The following EFCAB8 variants were observed in gnomAD, a reference collection of about 807,000 sequenced individuals.
EFCAB8 encodes the protein EF-hand calcium binding domain 8, also known as EF-hand calcium-binding domain-containing protein 8.
A neutral mutation model predicts 116.3 loss-of-function variants in EFCAB8; 100 were observed. The ratio of observed to expected loss-of-function variants is 0.86; its 90% CI spans 0.73 to 1.02. EFCAB8 has a LOEUF of 1.02. Ranked by LOEUF, EFCAB8 falls within the 50% of genes least tolerant of loss-of-function variation. The pLI is 0.00. For synonymous variants in EFCAB8, 558 were observed against 567.9 expected (o/e 0.98, Z 0.25); for missense variants, 1,320 against 1,416.9 (o/e 0.93, Z 1.10).
Position 32,906,861 on chromosome 20 carries a change from C to T in EFCAB8, c.1175C>T (p.Ala392Val). 1 of 1,517,832 alleles carries T rather than the reference C, an allele frequency of 6.6e-7. No individual in the cohort carries two copies. 94.0% of individuals were successfully genotyped at this position (1,517,832 alleles called of 1,614,324 possible). ...ACCACAGTGACTGGTGGCTACGATG[C>T]CTTCATCCGCCTGTGGAACCCCTTT... Reference protein sequence around the residue: ...RNFLVTGGYDAFIRLWNPFVS... With the variant: ...RNFLVTGGYDVFIRLWNPFVS... Residue 392 changes from alanine (A) to valine (V), a missense_variant, in exon 13 of 27, where the codon GCC (alanine) becomes GTC (valine). By Grantham distance (64) the Ala-to-Val change is moderately conservative. Coordinates refer to ENST00000400522, the MANE Select transcript of EFCAB8 (RefSeq NM_001143967.2).
At chr20:32,867,551 C>A in intron 2 of EFCAB8, 31 bp from the exon 3 acceptor site, 1 of 1,542,298 alleles carries the variant, frequency 6.5e-7, no homozygotes, top group South Asian at 1.2e-5. Context: ...TTGAAACGCT[C>A]AGTCCCTGGT....
intron 14 of EFCAB8, among the ~76,000 whole-genome samples, 171 bp from the exon 15 acceptor site, chr20:32,909,650 G>A (rs978299387): frequency 6.6e-6 from 1 of 152,138 alleles, no homozygotes; most frequent in African/African-American, 2.4e-5. Context: ...ATGGAGTAGG[G>A]TGGGGGTATC....
At chr20:32,869,646 C>T (rs1209499421) in intron 3 of EFCAB8, among the ~76,000 whole-genome samples, 1 of 152,198 alleles carries the variant, frequency 6.6e-6, no homozygotes, top group Non-Finnish European at 1.5e-5. Context: ...GGTCCCACCA[C>T]ACTCCAGGGG....
chr20:32,869,985 CCT>C (rs1235627537), intron 3 of EFCAB8, among the ~76,000 whole-genome samples: 2 of 152,106 alleles, frequency 1.3e-5, no homozygotes, highest in African/African-American at 2.4e-5. Flanking sequence ...GATTTTTCCC[CCT>C]GAGATAATAC....
In EFCAB8 at chr20:32,904,178, A is replaced by T. The variant is rs569523885; in HGVS notation, c.1089-2384A>T. 1.8e-4 allele frequency among the ~76,000 whole-genome samples: 27 copies of T among 151,892 alleles called. 1 individual carries two copies. The highest frequency in any genetic ancestry group is 6.5e-4 in the African/African-American group (27 of 41,386). On this transcript the variant is annotated intron_variant, in intron 11 of 26. Transcript: ENST00000400522. The stretch of plus-strand genomic sequence containing the variant: ...CAGCTAATTTTTAATTTTTTTGTAC[A>T]GATGGGATCTTGCTGTGTTGCCCAG...
At chr20:32,888,667 C>T (rs896157457) in intron 6 of EFCAB8, among the ~76,000 whole-genome samples, 5 of 152,086 alleles carry the variant, frequency 3.3e-5, no homozygotes, top group South Asian at 2.1e-4. Context: ...TTTTTAAATG[C>T]GATAATGGAA....
chr20:32,915,937 G>A (rs1987165905), intron 17 of EFCAB8, among the ~76,000 whole-genome samples: 1 of 151,980 alleles, frequency 6.6e-6, no homozygotes, highest in African/African-American at 2.4e-5. Context: ...TTCCCAAAGT[G>A]CTGGGATTAC....
chr20:32,935,278 G>T (rs1456181552), intron 22 of EFCAB8, among the ~76,000 whole-genome samples: 9 of 130,570 alleles, frequency 6.9e-5, no homozygotes, highest in Non-Finnish European at 1.6e-5. Flanking sequence ...TTGGCTCACT[G>T]CAACCCCCGC....
chr20:32,959,989 C>A lies in EFCAB8; in HGVS notation c.3294+7C>A. 6.4e-7 allele frequency: 1 copy of A among 1,551,444 alleles called. No homozygotes were observed. Among genetic ancestry groups the A allele is most frequent in the Non-Finnish European group, 8.7e-7 (1 of 1,146,858 alleles). ...GGAGTCCAGGGACAAGCAGGTGAGGCTGGGAGGGGAGCACAGGGAGGAGTG... is the reference window on the plus strand; with the variant it reads ...GGAGTCCAGGGACAAGCAGGTGAGGATGGGAGGGGAGCACAGGGAGGAGTG... On this transcript the variant is annotated splice_region_variant and intron_variant, in intron 25 of 26. Coordinates refer to ENST00000400522, the MANE Select transcript of EFCAB8 (RefSeq NM_001143967.2).
chr20:32,911,405 A>G (rs1212083063), intron 15 of EFCAB8, 75 bp from the exon 16 acceptor site: 4 of 1,333,144 alleles, frequency 3.0e-6, no homozygotes, highest in Non-Finnish European at 4.0e-6. Flanking sequence ...GGAGGGGCCA[A>G]GGCAGGCTGG....
intron 5 of EFCAB8, 134 bp from the exon 6 acceptor site, chr20:32,885,371 C>CGCATGTGCGT (rs1157460506): frequency 1.0e-5 from 12 of 1,191,300 alleles, no homozygotes; most frequent in Admixed American, 2.5e-5. Flanking sequence ...TTATGGCGTG[C>CGCATGTGCGT]GCATGTGCGT....
intron 24 of EFCAB8, among the ~76,000 whole-genome samples, chr20:32,959,387 C>T (rs981844072): frequency 6.6e-6 from 1 of 152,204 alleles, no homozygotes; most frequent in Non-Finnish European, 1.5e-5. Context: ...ATCTTTGTGA[C>T]TCCTATGCTT....
At chr20:32,924,756 C>T (rs2146266072) in intron 20 of EFCAB8, among the ~76,000 whole-genome samples, 1 of 152,278 alleles carries the variant, frequency 6.6e-6, no homozygotes, top group South Asian at 2.1e-4. Flanking sequence ...TTTTTGGCCA[C>T]AGAATTGCAT....
At chr20:32,885,234 G>A (rs1161139196) in intron 5 of EFCAB8, among the ~76,000 whole-genome samples, 1 of 152,172 alleles carries the variant, frequency 6.6e-6, no homozygotes, top group African/African-American at 2.4e-5. Flanking sequence ...TGGCTACTTC[G>A]CAGGATAAGC....
At chr20:32,874,372 G>A (rs1176278644) in intron 3 of EFCAB8, among the ~76,000 whole-genome samples, 2 of 151,808 alleles carry the variant, frequency 1.3e-5, no homozygotes, top group African/African-American at 4.8e-5. Flanking sequence ...ACAGGCTCAC[G>A]CCACTACACC....
At chr20:32,887,012 C>T (rs1985665857) in intron 6 of EFCAB8, among the ~76,000 whole-genome samples, 1 of 152,056 alleles carries the variant, frequency 6.6e-6, no homozygotes, top group African/African-American at 2.4e-5. Context: ...AGACTCCAGC[C>T]CTGGGCAGGA....
intron 23 of EFCAB8, among the ~76,000 whole-genome samples, chr20:32,955,863 G>C (rs1988951132): frequency 6.6e-6 from 1 of 152,104 alleles, no homozygotes; most frequent in South Asian, 2.1e-4. Context: ...GCCCATCTCT[G>C]TTCTTATATT....
intron 19 of EFCAB8, 35 bp downstream of exon 19, chr20:32,918,609 ACT>A: frequency 3.2e-6 from 5 of 1,542,734 alleles, no homozygotes; most frequent in Non-Finnish European, 2.6e-6. Context: ...GGCTACCCTC[ACT>A]CTCTAGCCGC....
intron 5 of EFCAB8, among the ~76,000 whole-genome samples, chr20:32,880,711 T>C (rs1361788603): frequency 1.3e-5 from 2 of 152,122 alleles, no homozygotes; most frequent in Non-Finnish European, 2.9e-5. Flanking sequence ...GATGAACAGA[T>C]GTGTAGGGCG....
Sources: allele counts gnomAD v4.1 joint callset (sites outside exome capture counted in the v4.1 genomes callset), GRCh38; gene constraint gnomAD v4.1.1; transcripts MANE v1.5; gene names NCBI Gene and HGNC (gene_info 2026-07-23, HGNC 2026-07-21).